Variants in SH3PXD2A observed in about 807,000 individuals in gnomAD.
SH3PXD2A encodes the protein SH3 and PX domains 2A, also known as SH3 and PX domain-containing protein 2A.
A neutral mutation model predicts 115.2 loss-of-function variants in SH3PXD2A; 32 were observed. The observed-to-expected ratio is 0.28, with a 90% CI of 0.21 to 0.37. SH3PXD2A has a LOEUF of 0.37. Among genes scored for constraint, SH3PXD2A ranks in the 10% least tolerant of loss-of-function variants. The probability of loss-of-function intolerance (pLI) is 1.00; values close to 1 mark genes in which losing one functional copy is unlikely to be tolerated. For missense variants in SH3PXD2A, 1,328 were observed against 1,498.7 expected (o/e 0.89, Z 1.88); for synonymous variants, 610 against 629.1 (o/e 0.97, Z 0.45).
chr10:103,798,715 C>G (rs1482782578), intron 2 of SH3PXD2A, among the ~76,000 whole-genome samples: 2 of 152,202 alleles, frequency 1.3e-5, no homozygotes, highest in Non-Finnish European at 2.9e-5. Flanking sequence ...TTTCTGAGAG[C>G]TGCCCCTGGG....
intron 3 of SH3PXD2A, among the ~76,000 whole-genome samples, chr10:103,748,619 G>A (rs777390967): frequency 6.6e-6 from 1 of 152,256 alleles, no homozygotes; most frequent in African/African-American, 2.4e-5. Context: ...GGCTGAGGAA[G>A]TGGAGAGAGT....
chr10:103,646,690 A>G (rs2037041589), intron 8 of SH3PXD2A, among the ~76,000 whole-genome samples: 1 of 152,230 alleles, frequency 6.6e-6, no homozygotes, highest in Non-Finnish European at 1.5e-5. Flanking sequence ...ATGGAGATCA[A>G]GTCTTTCCTG....
intron 10 of SH3PXD2A, among the ~76,000 whole-genome samples, chr10:103,617,591 C>T (rs1024191355): frequency 1.3e-5 from 2 of 152,220 alleles, no homozygotes; most frequent in African/African-American, 4.8e-5. Context: ...GTCGGCTCTC[C>T]CAGCCTGATA....
chr10:103,673,434 C>G (rs1472187), intron 6 of SH3PXD2A: 10,298 of 152,084 alleles, frequency 0.068, 742 homozygotes, highest in East Asian at 0.32. Context: ...GTGGTGGTGC[C>G]TACCTGTGGT....
rs762820471 is a variant in SH3PXD2A at position 103,605,844 on chromosome 10, G to A, written c.1382C>T (p.Ser461Leu). The change falls in exon 14 of 15, where the codon TCG (serine) becomes TTG (leucine). Residue 461 changes from serine to leucine, a missense_variant. Transcript: ENST00000369774. ...AAAGCTGATGCCATCGGAAATGCACGACTGGAATTCGGCAATGGTGTAGTA... is the reference window on the plus strand; with the variant it reads ...AAAGCTGATGCCATCGGAAATGCACAACTGGAATTCGGCAATGGTGTAGTA... ...VEYYTIAEFQSCISDGISFRG... is the reference protein window; with the variant it reads ...VEYYTIAEFQLCISDGISFRG... The A allele has an allele frequency of 1.9e-6, 3 of 1,613,038 alleles. No individual in the cohort carries two copies. The highest frequency in any genetic ancestry group is 2.5e-6 in the Non-Finnish European group (3 of 1,178,996).
intron 8 of SH3PXD2A, among the ~76,000 whole-genome samples, chr10:103,631,860 G>A (rs1564849071): frequency 2.0e-5 from 3 of 152,128 alleles, no homozygotes; most frequent in African/African-American, 4.8e-5. Context: ...GCTCATGCCT[G>A]TAATCCCAGC....
intron 2 of SH3PXD2A, among the ~76,000 whole-genome samples, chr10:103,782,926 C>T (rs2038945187): frequency 7.0e-6 from 1 of 142,330 alleles, no homozygotes; most frequent in Non-Finnish European, 1.5e-5. Context: ...GAAATGAATG[C>T]ATGCCTTGGG....
At chr10:103,691,957 T>C (rs1292758640) in intron 6 of SH3PXD2A, among the ~76,000 whole-genome samples, 1 of 152,022 alleles carries the variant, frequency 6.6e-6, no homozygotes, top group Non-Finnish European at 1.5e-5. Flanking sequence ...TCTACCCCAC[T>C]CTACATCCAT....
rs751711689 is a variant in SH3PXD2A, at chr10:103,627,133, C to A, written c.674G>T (p.Gly225Val). The A allele has an allele frequency of 1.9e-6, 3 of 1,612,208 alleles. No individual in the cohort carries two copies. In the Middle Eastern group the frequency reaches 4.9e-4, roughly 266 times the overall value. ...GTTGATGTCGGAGTCATCCCGAGTACCATTCTGGGCCTCCAGGTAGGTGGC... is the reference window on the plus strand; with the variant it reads ...GTTGATGTCGGAGTCATCCCGAGTAACATTCTGGGCCTCCAGGTAGGTGGC... ...VPATYLEAQN[G>V]TRDDSDINTS... is the part of the protein sequence containing the mutation. The change falls in exon 9 of 15, where the codon GGT (glycine) becomes GTT (valine). Residue 225 changes from glycine (G) to valine (V), a missense_variant. Physicochemically the swap from Gly to Val is moderately radical, Grantham distance 109 (BLOSUM62 -3). Transcript: ENST00000369774. This position sits in a 1 kb window ranked among gnomAD's most constrained non-coding sequence, Gnocchi z 4.4.
At chr10:103,843,327 A>C (rs1362816891) in intron 1 of SH3PXD2A, among the ~76,000 whole-genome samples, 5 of 152,164 alleles carry the variant, frequency 3.3e-5, no homozygotes, top group African/African-American at 9.7e-5. Context: ...TCCCTCTCTT[A>C]GTGCTTACTC....
intron 8 of SH3PXD2A, among the ~76,000 whole-genome samples, chr10:103,637,740 G>A (rs1349677909): frequency 6.6e-6 from 1 of 152,176 alleles, no homozygotes; most frequent in East Asian, 1.9e-4. Context: ...GACGGGTGGG[G>A]AGACACTGAG....
At chr10:103,651,318 G>C (rs150161935) in intron 8 of SH3PXD2A, among the ~76,000 whole-genome samples, 1 of 152,194 alleles carries the variant, frequency 6.6e-6, no homozygotes, top group Admixed American at 6.5e-5. Context: ...GGGAATGCTC[G>C]TGCAACTCTC....
intron 6 of SH3PXD2A, chr10:103,678,257 C>T (rs527805714): frequency 2.4e-5 from 17 of 713,310 alleles, no homozygotes; most frequent in Non-Finnish European, 3.4e-5. Context: ...CTGCGTGGGT[C>T]CAGACCAATC....
intron 10 of SH3PXD2A, among the ~76,000 whole-genome samples, chr10:103,618,482 C>G (rs1329639507): frequency 6.6e-6 from 1 of 152,194 alleles, no homozygotes; most frequent in Non-Finnish European, 1.5e-5. Context: ...TGGAACACTC[C>G]CCACCTCACC....
At chr10:103,652,328 G>C (rs1414077771) in intron 8 of SH3PXD2A, among the ~76,000 whole-genome samples, 1 of 152,210 alleles carries the variant, frequency 6.6e-6, no homozygotes, top group Non-Finnish European at 1.5e-5. Context: ...CTGAGCCCTG[G>C]CTCCCCCAGA....
intron 1 of SH3PXD2A, among the ~76,000 whole-genome samples, chr10:103,833,871 C>T (rs755873111): frequency 1.3e-5 from 2 of 152,166 alleles, no homozygotes; most frequent in Non-Finnish European, 2.9e-5. Context: ...GCAACTTTCA[C>T]CAGAACTTGG....
chr10:103,632,701 C>G (rs1484347825), intron 8 of SH3PXD2A, among the ~76,000 whole-genome samples: 1 of 152,164 alleles, frequency 6.6e-6, no homozygotes, highest in African/African-American at 2.4e-5. Flanking sequence ...CTGGGCCGGG[C>G]GCGGTGGCTC....
rs78061471 is a variant in SH3PXD2A at position 103,700,369 on chromosome 10, G to C, written c.399-7313C>G. 4.8e-3 allele frequency among the ~76,000 whole-genome samples: 736 copies of C among 152,362 alleles called. 4 individuals are homozygous for C. Among genetic ancestry groups the C allele is most frequent in the African/African-American group, 0.017 (700 of 41,582 alleles). On this transcript the variant is annotated intron_variant, in intron 5 of 14. Transcript: ENST00000369774. Reference sequence around the variant, plus strand: ...TTAAATGGCATCTGGCCCATGGAAAGGACCCGTAGCCCAATAGCCTGGGTT... The same window carrying C: ...TTAAATGGCATCTGGCCCATGGAAACGACCCGTAGCCCAATAGCCTGGGTT...
intron 6 of SH3PXD2A, among the ~76,000 whole-genome samples, 176 bp downstream of exon 6, chr10:103,692,852 C>T (rs943457973): frequency 5.3e-5 from 8 of 152,122 alleles, no homozygotes; most frequent in Non-Finnish European, 1.2e-4. Context: ...TCTCAGGGGC[C>T]ATGGACTGAG....
Sources: allele counts gnomAD v4.1 joint callset (sites outside exome capture counted in the v4.1 genomes callset), GRCh38; gene constraint gnomAD v4.1.1; non-coding constraint Gnocchi (gnomAD v3.1); transcripts MANE v1.5; gene names NCBI Gene and HGNC (gene_info 2026-07-23, HGNC 2026-07-21).